SYNDIG1: variants seen among roughly 807,000 people sequenced by gnomAD.
SYNDIG1 encodes synapse differentiation inducing 1.
Under a neutral mutation model 19.4 loss-of-function variants are expected in SYNDIG1, and 9 were observed. The observed-to-expected ratio is 0.46, with a 90% CI of 0.28 to 0.81. SYNDIG1 has a LOEUF of 0.81. Ranked by LOEUF, SYNDIG1 falls within the 30% of genes least tolerant of loss-of-function variation. SYNDIG1 has a pLI of 0.12. For synonymous variants in SYNDIG1, 141 were observed against 145.9 expected (o/e 0.97, Z 0.24); for missense variants, 311 against 343.3 (o/e 0.91, Z 0.74).
chr20:24,534,843 A>G (rs898884913), intron 1 of SYNDIG1, among the ~76,000 whole-genome samples: 3 of 152,162 alleles, frequency 2.0e-5, no homozygotes, highest in Non-Finnish European at 4.4e-5. Context: ...GGGGCTGGAC[A>G]CGGTGCGGCT....
intron 2 of SYNDIG1, among the ~76,000 whole-genome samples, chr20:24,577,667 G>A (rs2058251987): frequency 6.6e-6 from 1 of 152,246 alleles, no homozygotes; most frequent in African/African-American, 2.4e-5. Flanking sequence ...GGCTTGAGCT[G>A]TGTCTTCTGC....
chr20:24,573,196 A>G (rs897897163), intron 2 of SYNDIG1, among the ~76,000 whole-genome samples: 2 of 152,208 alleles, frequency 1.3e-5, no homozygotes, highest in African/African-American at 4.8e-5. Context: ...CTCATTTAGT[A>G]ACTGGATCAA....
chr20:24,520,264 A>G (rs542323260), intron 1 of SYNDIG1, among the ~76,000 whole-genome samples: 1 of 150,880 alleles, frequency 6.6e-6, no homozygotes, highest in Admixed American at 6.6e-5. Flanking sequence ...CTTACATAAT[A>G]GTATATGTAT....
In SYNDIG1 at chr20:24,543,295, G is replaced by C. The variant is rs1003799591; in HGVS notation, c.198G>C (p.Arg66Ser). The change falls in exon 2 of 4, where the codon AGG becomes AGC. Residue 66 changes from arginine (R) to serine (S), a missense_variant. Arg to Ser is a moderately radical substitution (Grantham distance 110, BLOSUM62 -1). Coordinates refer to ENST00000376862, the MANE Select transcript of SYNDIG1 (RefSeq NM_024893.3). ...TGCCGGCCAGCCTGGACAGCAGCAG[G>C]AGTGAGCCGATGCAGCAGCTGCTGG... ...STVPASLDSSRSEPMQQLLDP... is the reference protein window; with the variant it reads ...STVPASLDSSSSEPMQQLLDP... The C allele has an allele frequency of 1.9e-6, 3 of 1,613,494 alleles. No homozygotes were observed. The highest frequency in any genetic ancestry group is 2.5e-6 in the Non-Finnish European group (3 of 1,180,036).
intron 3 of SYNDIG1, among the ~76,000 whole-genome samples, chr20:24,654,700 G>GGAAGGAAGGAAGGAAGGAAGGA (rs57229843): frequency 6.7e-6 from 1 of 149,780 alleles, no homozygotes; most frequent in African/African-American, 2.5e-5. Context: ...AAGGAAGGAA[G>GGAAGGAAGGAAGGAAGGAAGGA]AGTTAGAGAA....
chr20:24,573,093 G>A (rs1204862256), intron 2 of SYNDIG1, among the ~76,000 whole-genome samples: 1 of 152,140 alleles, frequency 6.6e-6, no homozygotes, highest in African/African-American at 2.4e-5. Flanking sequence ...CGGTGGTTCT[G>A]TTCTGCTTTT....
intron 3 of SYNDIG1, among the ~76,000 whole-genome samples, chr20:24,643,774 A>AT (rs1432631016): frequency 6.6e-6 from 1 of 152,228 alleles, no homozygotes; most frequent in Non-Finnish European, 1.5e-5. Flanking sequence ...AGTGCCACAT[A>AT]TTTACCATGA....
chr20:24,534,499 G>T (rs1432521612), intron 1 of SYNDIG1, among the ~76,000 whole-genome samples: 1 of 152,210 alleles, frequency 6.6e-6, no homozygotes, highest in East Asian at 1.9e-4. Flanking sequence ...GCTGGGCAGG[G>T]ATTTCCCCCA....
At chr20:24,633,844 C>T (rs1006407742) in intron 3 of SYNDIG1, among the ~76,000 whole-genome samples, 1 of 152,084 alleles carries the variant, frequency 6.6e-6, no homozygotes, top group African/African-American at 2.4e-5. Flanking sequence ...TAGGGGAGGC[C>T]GTGGTTCAGG....
chr20:24,520,735 T>A (rs1226178638), intron 1 of SYNDIG1, among the ~76,000 whole-genome samples: 4 of 152,192 alleles, frequency 2.6e-5, no homozygotes, highest in Non-Finnish European at 4.4e-5. Flanking sequence ...GGTACTATAC[T>A]TGTGTATACT....
At chr20:24,641,243 C>G (rs2059373722) in intron 3 of SYNDIG1, among the ~76,000 whole-genome samples, 1 of 152,066 alleles carries the variant, frequency 6.6e-6, no homozygotes, top group African/African-American at 2.4e-5. Context: ...GGAGAACTTA[C>G]TATGAAATAC....
chr20:24,567,757 C>T (rs1033560920), intron 2 of SYNDIG1, among the ~76,000 whole-genome samples: 6 of 152,200 alleles, frequency 3.9e-5, no homozygotes, highest in Non-Finnish European at 8.8e-5. Context: ...GAGGGAGGCA[C>T]GGAGAGCACA....
At chr20:24,620,765 A>G (rs2059025393) in intron 3 of SYNDIG1, among the ~76,000 whole-genome samples, 1 of 152,204 alleles carries the variant, frequency 6.6e-6, no homozygotes, top group South Asian at 2.1e-4. Flanking sequence ...TATACACATA[A>G]CGTATTTGTA....
At chr20:24,476,821 G>A (rs1403623792) in intron 1 of SYNDIG1, among the ~76,000 whole-genome samples, 1 of 152,170 alleles carries the variant, frequency 6.6e-6, no homozygotes, top group Non-Finnish European at 1.5e-5. Context: ...CTGCAGCACA[G>A]CTGTCCCACT....
intron 1 of SYNDIG1, among the ~76,000 whole-genome samples, chr20:24,492,155 G>A (rs1368439521): frequency 8.1e-5 from 11 of 135,442 alleles, no homozygotes; most frequent in Admixed American, 8.0e-4. Flanking sequence ...GGCACCGCAG[G>A]GACGCTGGGG....
intron 1 of SYNDIG1, among the ~76,000 whole-genome samples, chr20:24,529,827 G>A (rs1312571212): frequency 6.6e-6 from 1 of 152,164 alleles, no homozygotes; most frequent in Non-Finnish European, 1.5e-5. Context: ...GTCAGTGGTG[G>A]GGATGGTGAC....
At chr20:24,566,550 T>G (rs1215845753) in intron 2 of SYNDIG1, among the ~76,000 whole-genome samples, 1 of 152,128 alleles carries the variant, frequency 6.6e-6, no homozygotes. Flanking sequence ...GCAGTCAGCT[T>G]GTTGTGTGAA....
intron 1 of SYNDIG1, among the ~76,000 whole-genome samples, chr20:24,489,918 G>A (rs112618017): frequency 2.6e-5 from 4 of 152,366 alleles, no homozygotes; most frequent in South Asian, 4.1e-4. Flanking sequence ...AGGCCTGGCC[G>A]CTGGTGCTGC....
At chr20:24,530,796 T>C (rs2057240656) in intron 1 of SYNDIG1, among the ~76,000 whole-genome samples, 1 of 151,486 alleles carries the variant, frequency 6.6e-6, no homozygotes, top group African/African-American at 2.4e-5. Context: ...TGTTTGTTTG[T>C]TTTTTGGGTT....
Sources: gnomAD v4.1 joint callset for allele counts (sites outside exome capture counted in the v4.1 genomes callset) on GRCh38, gnomAD v4.1.1 for gene constraint, MANE v1.5 for transcripts, NCBI Gene and HGNC (gene_info 2026-07-23, HGNC 2026-07-21) for gene names.